Variants in SLC13A3 observed in about 807,000 individuals in gnomAD.
SLC13A3 encodes Na(+)/dicarboxylate cotransporter 3.
A neutral mutation model predicts 59.0 loss-of-function variants in SLC13A3; 40 were observed. The ratio of observed to expected loss-of-function variants is 0.68; its 90% CI spans 0.53 to 0.88. SLC13A3 has a LOEUF of 0.88. SLC13A3 is among the 40% of genes least tolerant of loss of function. The pLI is 0.00. For missense variants in SLC13A3, 699 were observed against 783.2 expected (o/e 0.89, Z 1.28); for synonymous variants, 317 against 330.3 (o/e 0.96, Z 0.44).
chr20:46,634,345 G>A (rs1644183629), intron 1 of SLC13A3, among the ~76,000 whole-genome samples: 1 of 152,222 alleles, frequency 6.6e-6, no homozygotes, highest in Non-Finnish European at 1.5e-5. Flanking sequence ...GCAGATGGAA[G>A]TAGTTGAGGC....
intron 1 of SLC13A3, among the ~76,000 whole-genome samples, chr20:46,637,974 G>T (rs2062810492): frequency 6.6e-6 from 1 of 152,168 alleles, no homozygotes; most frequent in Non-Finnish European, 1.5e-5. Flanking sequence ...TCCATATCAA[G>T]AAAAAAGTCA....
At position 46,557,839 on chromosome 20, in the gene SLC13A3, T is replaced by C. The variant is rs1247268137; in HGVS notation, c.*2183A>G. ...CAGAACATGACAGGTTCCCAATAAA[T>C]GTTTATTGAATGAATAAATGGAAGA... On this transcript the variant is annotated 3_prime_UTR_variant, in exon 13 of 13. Transcript: ENST00000279027. 6.6e-6 allele frequency: 1 copy of C among 152,176 alleles called. No homozygotes were observed. Among genetic ancestry groups the C allele is most frequent in the Non-Finnish European group, 1.5e-5 (1 of 68,040 alleles). The allele number at this position is 152,176 out of a possible 1,614,324, so 9.4% of individuals were successfully genotyped here.
At chr20:46,603,292 C>A (rs2062399197) in intron 3 of SLC13A3, among the ~76,000 whole-genome samples, 1 of 152,098 alleles carries the variant, frequency 6.6e-6, no homozygotes. Context: ...TCTGTCATAA[C>A]AACATCTCTG....
chr20:46,588,646 G>A (rs2062219760), intron 7 of SLC13A3, among the ~76,000 whole-genome samples: 1 of 152,056 alleles, frequency 6.6e-6, no homozygotes, highest in South Asian at 2.1e-4. Flanking sequence ...AGAGAGGGTG[G>A]ATGAAGGTGG....
At chr20:46,596,105 A>G (rs556601721) in intron 5 of SLC13A3, 52 bp downstream of exon 5, 1 of 1,527,202 alleles carries the variant, frequency 6.5e-7, no homozygotes, top group African/African-American at 1.4e-5. Context: ...GAAGGAGGGA[A>G]GAGGAGGGGA....
intron 1 of SLC13A3, among the ~76,000 whole-genome samples, chr20:46,620,828 C>T (rs2062606463): frequency 1.3e-5 from 2 of 152,080 alleles, no homozygotes; most frequent in Middle Eastern, 3.4e-3. Flanking sequence ...TTGATGGGTA[C>T]CAAGACCACT....
In SLC13A3 at chr20:46,656,534, A is replaced by G. The variant is rs543758225; in HGVS notation, c.-31+13509T>C. Among the ~76,000 whole-genome samples the G allele has an allele frequency of 3.7e-3, 535 of 145,096 alleles. 6 individuals are homozygous for G. The highest frequency in any genetic ancestry group is 0.013 in the African/African-American group (514 of 39,878). On this transcript the variant is annotated intron_variant, in intron 1 of 12. Coordinates refer to the SLC13A3 transcript ENST00000290317. ...TATTATACTGTATATGATATATACT[A>G]TACAGTACATATATTATACTGTATA...
At position 46,610,462 on chromosome 20, in the gene SLC13A3, C is replaced by A; in HGVS notation, c.525G>T (p.Glu175Asp). Residue 175 changes from glutamate to aspartate, a missense_variant, in exon 3 of 13, where the codon GAG (glutamate) becomes GAT (aspartate). By Grantham distance (45) the Glu-to-Asp change is conservative (BLOSUM62 2). Transcript: ENST00000279027. ...QKEVRKDPSQ[E>D]SEENTAAVRR... is the part of the protein sequence containing the mutation. ...CAGCCTCACCTGTGTTCTCTTCACT[C>A]TCCTGGCTGGGGTCCTTTCGAACCT... The A allele has an allele frequency of 6.2e-7, 1 of 1,613,512 alleles. No homozygotes were observed. The highest frequency in any genetic ancestry group is 8.5e-7 in the Non-Finnish European group (1 of 1,179,660).
Position 46,558,347 on chromosome 20 carries a change from CTG to C in SLC13A3, c.*1673_*1674del, listed in dbSNP as rs1568902887. ...CAGTAGAAAATCAGAGAGGTCAACTCTGTGGAATCCCCAGCCCAGGAATTTGG... is the reference window on the plus strand; with the variant it reads ...CAGTAGAAAATCAGAGAGGTCAACTCTGGAATCCCCAGCCCAGGAATTTGG... On this transcript the variant is annotated 3_prime_UTR_variant, in exon 13 of 13. Coordinates refer to ENST00000279027, the MANE Select transcript of SLC13A3 (RefSeq NM_022829.6). 6.6e-6 allele frequency: 1 copy of C among 152,246 alleles called. No individual in the cohort carries two copies. Among genetic ancestry groups the C allele is most frequent in the Non-Finnish European group, 1.5e-5 (1 of 68,056 alleles). 9.4% of individuals were successfully genotyped at this position (152,246 alleles called of 1,614,324 possible).
rs1310315739 is a variant in SLC13A3, at chr20:46,600,350, G to A, written c.542-313C>T. Among the ~76,000 whole-genome samples, 4 of 135,980 alleles carry A rather than the reference G, an allele frequency of 2.9e-5. No homozygotes were observed. The East Asian group carries it at 8.5e-4, about 29-fold the overall frequency. The allele number at this position is 135,980 out of a possible 152,430, so 89.2% of individuals were successfully genotyped here. On this transcript the variant is annotated intron_variant, in intron 3 of 12. Coordinates refer to ENST00000279027, the MANE Select transcript of SLC13A3 (RefSeq NM_022829.6). ...AAGGAAGGAAGGAAGGAAAGGAAAA[G>A]AAAGGAAAGGAAAGAAAAGGAAGGG...
At chr20:46,667,260 A>C (rs1166200400) in intron 1 of SLC13A3, among the ~76,000 whole-genome samples, 4 of 152,072 alleles carry the variant, frequency 2.6e-5, no homozygotes, top group African/African-American at 9.7e-5. Context: ...TGGGCATGGG[A>C]GGATGGGGTA....
chr20:46,678,457 C>A (rs1281355218), intron 1 of SLC13A3, among the ~76,000 whole-genome samples: 1 of 152,202 alleles, frequency 6.6e-6, no homozygotes, highest in Non-Finnish European at 1.5e-5. Context: ...AAAGTGAGGT[C>A]TGAGGTCACT....
intron 11 of SLC13A3, among the ~76,000 whole-genome samples, chr20:46,565,532 C>A (rs771434853): frequency 6.6e-6 from 1 of 152,122 alleles, no homozygotes; most frequent in Non-Finnish European, 1.5e-5. Flanking sequence ...CCATGTTGCC[C>A]AGGCTAGTCT....
At chr20:46,575,550 T>C (rs547658146) in intron 10 of SLC13A3, 23 bp downstream of exon 10, 8 of 1,433,778 alleles carry the variant, frequency 5.6e-6, no homozygotes, top group South Asian at 1.3e-5. Flanking sequence ...TTCCTGCTGG[T>C]TGGGGGAGCC....
chr20:46,594,688 A>T (rs904345199), intron 5 of SLC13A3, among the ~76,000 whole-genome samples: 8 of 152,124 alleles, frequency 5.3e-5, no homozygotes, highest in Admixed American at 2.6e-4. Context: ...GGTTTGCAGT[A>T]AAACTCAGTG....
intron 1 of SLC13A3, among the ~76,000 whole-genome samples, chr20:46,614,945 G>A (rs1197480150): frequency 1.3e-5 from 2 of 152,322 alleles, no homozygotes; most frequent in African/African-American, 2.4e-5. Context: ...GGAGCACAGA[G>A]GAAACTTTTG....
chr20:46,617,552 G>A (rs1600567751), intron 1 of SLC13A3, among the ~76,000 whole-genome samples: 1 of 152,140 alleles, frequency 6.6e-6, no homozygotes. Context: ...ACAGATGTGT[G>A]TTGGTAAATG....
chr20:46,599,919 C>A, intron 4 of SLC13A3, 52 bp downstream of exon 4: 2 of 1,354,804 alleles, frequency 1.5e-6, no homozygotes, highest in Non-Finnish European at 2.0e-6. Context: ...TCTTGTTCAT[C>A]ATCTCCTTGA....
At chr20:46,679,077 G>A (rs1258188039) in intron 1 of SLC13A3, among the ~76,000 whole-genome samples, 2 of 152,274 alleles carry the variant, frequency 1.3e-5, no homozygotes, top group East Asian at 3.9e-4. Context: ...TGTACAGCCT[G>A]CAGAACTGTA....
Sources: allele counts gnomAD v4.1 joint callset (sites outside exome capture counted in the v4.1 genomes callset), GRCh38; gene constraint gnomAD v4.1.1; transcripts MANE v1.5; gene names NCBI Gene and HGNC (gene_info 2026-07-23, HGNC 2026-07-21).